MTERF4: variants seen among roughly 807,000 people sequenced by gnomAD.
The protein encoded by MTERF4 is mitochondrial transcription termination factor 4.
In MTERF4, 17 loss-of-function variants were observed where a neutral mutation model predicts 22.5. The observed-to-expected ratio is 0.75, with a 90% confidence interval of 0.52 to 1.13. The LOEUF (loss-of-function observed/expected upper bound fraction) is 1.13. Among genes scored for constraint, MTERF4 ranks in the 50% most tolerant of loss-of-function variants. The pLI is 0.00. For synonymous variants in MTERF4, 165 were observed against 175.3 expected (o/e 0.94, Z 0.47); for missense variants, 420 against 466.8 (o/e 0.90, Z 0.92).
At chr2:241,052,355 C>A in the MTERF4 span, 1 of 1,570,142 alleles carries the variant, frequency 6.4e-7, no homozygotes, top group Non-Finnish European at 8.6e-7. Context: ...ATTCTGGCAG[C>A]CCCCTCCCCC....
the MTERF4 span, among the ~76,000 whole-genome samples, chr2:241,053,559 G>A: frequency 6.6e-6 from 1 of 152,234 alleles, no homozygotes; most frequent in Non-Finnish European, 1.5e-5. Context: ...CATCCTCAGA[G>A]CAGCCCGGAG....
At chr2:241,089,141 T>C, downstream of MTERF4, 1 of 656,746 alleles carries the variant, frequency 1.5e-6, no homozygotes, top group Non-Finnish European at 2.6e-6. Flanking sequence ...GAGACTGGGA[T>C]ATACCATAGA....
chr2:241,083,753 C>T (rs576709173), downstream of MTERF4, among the ~76,000 whole-genome samples: 2 of 152,166 alleles, frequency 1.3e-5, no homozygotes, highest in Non-Finnish European at 2.9e-5. Context: ...TTTAACCTAT[C>T]TGCATATTTC....
At chr2:241,051,790 G>T in the MTERF4 span, 4 of 1,558,280 alleles carry the variant, frequency 2.6e-6, no homozygotes, top group Non-Finnish European at 3.5e-6. This position sits in a 1 kb window ranked among gnomAD's most constrained non-coding sequence, Gnocchi z 4.7. Flanking sequence ...ACGGGGGCAC[G>T]TGCAAGGAGG....
chr2:241,072,288 G>A (rs1032986528), exon 5 of MTERF4: 9 of 456,768 alleles, frequency 2.0e-5, no homozygotes, highest in African/African-American at 5.9e-5. Context: ...CAAATCCTCC[G>A]CCACTGTCCT....
downstream of MTERF4, chr2:241,090,438 A>G (rs982564913): frequency 8.4e-6 from 13 of 1,545,110 alleles, no homozygotes; most frequent in East Asian, 2.4e-5. Flanking sequence ...TCATAAGTAG[A>G]AGGAGTACAC....
At chr2:241,068,052 C>T, downstream of MTERF4, 3 of 925,246 alleles carry the variant, frequency 3.2e-6, no homozygotes, top group Non-Finnish European at 4.5e-6. The surrounding 1 kb of genome is among the most constrained non-coding windows in gnomAD (Gnocchi z 5.3). Context: ...TGGACTGTAC[C>T]ACCTGCCGCT....
downstream of MTERF4, chr2:241,067,943 T>C: frequency 6.2e-7 from 1 of 1,606,656 alleles, no homozygotes. Context: ...CAGGTTCACC[T>C]TTAGGTAAGA....
At chr2:241,065,185 C>G in the MTERF4 span, 1 of 1,096,982 alleles carries the variant, frequency 9.1e-7, no homozygotes, top group Non-Finnish European at 1.3e-6. Context: ...ACTCTGCCAG[C>G]GATGGCTGTG....
the MTERF4 span, chr2:241,062,762 T>G: frequency 6.6e-7 from 1 of 1,509,058 alleles, no homozygotes; most frequent in East Asian, 2.3e-5. Flanking sequence ...GTGGCCACAT[T>G]GCTTTATTCT....
chr2:241,053,525 T>C, the MTERF4 span, among the ~76,000 whole-genome samples: 1 of 152,212 alleles, frequency 6.6e-6, no homozygotes, highest in Admixed American at 6.5e-5. Flanking sequence ...AACTTTGCTC[T>C]GGGGCATTCA....
chr2:241,102,059 A>AAC (rs891870328), intron 1 of MTERF4, 194 bp downstream of exon 1: 2 of 722,538 alleles, frequency 2.8e-6, no homozygotes, highest in Non-Finnish European at 4.4e-6. Flanking sequence ...CTCAAAAAAA[A>AAC]AAAATGTCAA....
the MTERF4 span, among the ~76,000 whole-genome samples, chr2:241,061,300 C>T: frequency 2.0e-5 from 3 of 152,262 alleles, no homozygotes; most frequent in Admixed American, 2.0e-4. Flanking sequence ...CAGGGAAATG[C>T]AAATCAAAAG....
downstream of MTERF4, among the ~76,000 whole-genome samples, chr2:241,070,536 C>T (rs2062655260): frequency 6.6e-6 from 1 of 152,190 alleles, no homozygotes; most frequent in Admixed American, 6.5e-5. Context: ...CCGGAAGTGG[C>T]CTGCATTGCA....
chr2:241,063,478 C>T, the MTERF4 span: 8 of 769,216 alleles, frequency 1.0e-5, no homozygotes, highest in Admixed American at 1.6e-4. Context: ...TAGTTGCTCC[C>T]AGCTGGGAAA....
At chr2:241,093,173 T>C (rs2064151646), downstream of MTERF4, 1 of 152,554 alleles carries the variant, frequency 6.6e-6, no homozygotes, top group Admixed American at 6.5e-5. Context: ...CCAGACCCAC[T>C]TGAGAGCAGA....
At chr2:241,071,578 C>T, downstream of MTERF4, 2 of 1,584,958 alleles carry the variant, frequency 1.3e-6, no homozygotes, top group Non-Finnish European at 8.5e-7. Context: ...CTCTGCAGCC[C>T]CCAGGGATGG....
chr2:241,072,618 G>A, exon 5 of MTERF4: 1 of 259,190 alleles, frequency 3.9e-6, no homozygotes. Context: ...AGAGTGGCAA[G>A]CAGGGACCAG....
At chr2:241,046,870 C>T in the MTERF4 span, among the ~76,000 whole-genome samples, 25,530 of 152,054 alleles carry the variant, frequency 0.17, 2,429 homozygotes, top group East Asian at 0.26. Context: ...AAGTAGCTGG[C>T]GTGGTGGCTC....
Sources: allele counts gnomAD v4.1 joint callset (sites outside exome capture counted in the v4.1 genomes callset), GRCh38; gene constraint gnomAD v4.1.1; non-coding constraint Gnocchi (gnomAD v3.1); transcripts MANE v1.5; gene names NCBI Gene and HGNC (gene_info 2026-07-23, HGNC 2026-07-21).